Variants in JPT2 observed in about 807,000 individuals in gnomAD.
JPT2 encodes Jupiter microtubule associated homolog 2, also known as CRAMP_1 like.
JPT2 carries 9 observed loss-of-function variants against 15.9 expected under a neutral mutation model. The observed-to-expected ratio is 0.57, with a 90% confidence interval of 0.34 to 0.99. The LOEUF (loss-of-function observed/expected upper bound fraction) is 0.99, where lower values mean the gene tolerates loss of function less well. Ranked by LOEUF, JPT2 falls within the 50% of genes least tolerant of loss-of-function variation. JPT2 has a pLI of 0.02. For synonymous variants in JPT2, 95 were observed against 91.7 expected, an observed-to-expected ratio of 1.04 and a Z score of -0.21; for missense variants, 267 against 252.1, an observed-to-expected ratio of 1.06 and a Z score of -0.40.
At chr16:1,683,404 C>A in intron 1 of JPT2, 2 of 727,170 alleles carry the variant, frequency 2.8e-6, no homozygotes, top group South Asian at 1.7e-5. Flanking sequence ...AGGTACTGCT[C>A]CCGGACAGCC....
Position 1,685,495 on chromosome 16 carries a change from C to T in JPT2, c.101C>T (p.Ala34Val), listed in dbSNP as rs1230379534. The T allele has an allele frequency of 6.2e-7, 1 of 1,614,116 alleles. No homozygotes were observed. The highest frequency in any genetic ancestry group is 8.5e-7 in the Non-Finnish European group (1 of 1,180,000). ...SSNLFGSPEE[A>V]TPSSRPNRMA... ...AATCTTTTTGGAAGTCCAGAAGAAG[C>T]TACTCCTTCCAGCAGGCCTAATAGG... Residue 34 changes from alanine (A) to valine (V), a missense_variant, in exon 2 of 5, where the codon GCT (alanine) becomes GTT (valine). Physicochemically the swap from Ala to Val is moderately conservative, Grantham distance 64 (BLOSUM62 0). Coordinates refer to ENST00000248098, the MANE Select transcript of JPT2 (RefSeq NM_144570.3).
intron 1 of JPT2, chr16:1,683,665 A>G: frequency 9.5e-7 from 1 of 1,056,646 alleles, no homozygotes; most frequent in Non-Finnish European, 1.4e-6. Context: ...AGACTGAAGC[A>G]CTCTCTGCCT....
chr16:1,691,612 G>T (rs1286701856), intron 2 of JPT2, among the ~76,000 whole-genome samples: 1 of 152,166 alleles, frequency 6.6e-6, no homozygotes, highest in South Asian at 2.1e-4. Context: ...GCCTAGATCA[G>T]CTCAGTTCTA....
chr16:1,679,079 C>T (rs566407445), intron 1 of JPT2, among the ~76,000 whole-genome samples: 18 of 152,312 alleles, frequency 1.2e-4, no homozygotes, highest in African/African-American at 4.3e-4. Flanking sequence ...GCACACTTTT[C>T]TTATGTTTTT....
rs1474008669 is a variant in JPT2 at position 1,687,577 on chromosome 16, G to C, written c.193+1990G>C. Among the ~76,000 whole-genome samples the C allele has an allele frequency of 2.6e-5, 4 of 152,120 alleles. 1 individual carries two copies. The highest frequency in any genetic ancestry group is 6.6e-5 in the Admixed American group (1 of 15,266). On this transcript the variant is annotated intron_variant, in intron 2 of 4. Coordinates refer to ENST00000248098, the MANE Select transcript of JPT2 (RefSeq NM_144570.3). The stretch of plus-strand genomic sequence containing the variant: ...TAGAGCACTCCATGGAAGGCAGGCG[G>C]TACCACTTTGCCCGTTCCACATGGT...
intron 3 of JPT2, among the ~76,000 whole-genome samples, chr16:1,697,584 G>C (rs62040020): frequency 0.078 from 11,879 of 152,116 alleles, 620 homozygotes; most frequent in South Asian, 0.13. Flanking sequence ...GGGTGCTACT[G>C]TTATTTTTTA....
rs141755324 is a variant in JPT2 at position 1,681,468 on chromosome 16, C to A, written c.44+3112C>A. Reference sequence around the variant, plus strand: ...AATATTAAATATTGTGTTTCCATCACCCCAAAGTAACACTGGTCATTGCAA... The same window carrying A: ...AATATTAAATATTGTGTTTCCATCAACCCAAAGTAACACTGGTCATTGCAA... On this transcript the variant is annotated intron_variant, in intron 1 of 4. Transcript: ENST00000248098. Among the ~76,000 whole-genome samples the A allele has an allele frequency of 6.6e-3, 999 of 152,272 alleles. 5 individuals are homozygous for A. Among genetic ancestry groups the A allele is most frequent in the Non-Finnish European group, 0.011 (725 of 68,018 alleles).
At chr16:1,683,166 C>T (rs1325119717) in intron 1 of JPT2, among the ~76,000 whole-genome samples, 22 of 152,234 alleles carry the variant, frequency 1.4e-4, no homozygotes, top group Admixed American at 6.5e-4. Flanking sequence ...TTAGTAGAGA[C>T]GGGATTTCAC....
intron 2 of JPT2, among the ~76,000 whole-genome samples, chr16:1,686,908 C>T (rs1266203100): frequency 2.0e-5 from 3 of 152,188 alleles, no homozygotes; most frequent in African/African-American, 2.4e-5. Flanking sequence ...GACCTCACTC[C>T]GTTTTGGGGT....
intron 2 of JPT2, among the ~76,000 whole-genome samples, chr16:1,687,576 G>A (rs751665036): frequency 4.6e-5 from 7 of 152,112 alleles, no homozygotes; most frequent in African/African-American, 7.2e-5. Context: ...GAAGGCAGGC[G>A]GTACCACTTT....
At chr16:1,697,372 GT>G (rs1394608225) in intron 3 of JPT2, among the ~76,000 whole-genome samples, 1 of 152,172 alleles carries the variant, frequency 6.6e-6, no homozygotes, top group Non-Finnish European at 1.5e-5. Context: ...AATTAGCCAG[GT>G]GTGGTGGCTC....
chr16:1,697,563 C>T (rs562862989), intron 3 of JPT2, among the ~76,000 whole-genome samples: 6 of 150,716 alleles, frequency 4.0e-5, no homozygotes, highest in South Asian at 2.1e-4. Context: ...CATTAATATT[C>T]GCAGTTTTGA....
At chr16:1,683,480 T>C (rs1220621300) in intron 1 of JPT2, 1 of 1,463,692 alleles carries the variant, frequency 6.8e-7, no homozygotes, top group Non-Finnish European at 9.2e-7. Flanking sequence ...GCACCTGTCT[T>C]TTTTTTTCTC....
chr16:1,696,873 G>C (rs564963617), intron 3 of JPT2, among the ~76,000 whole-genome samples: 1 of 152,328 alleles, frequency 6.6e-6, no homozygotes, highest in African/African-American at 2.4e-5. Context: ...ATTGCTAGTG[G>C]GATTGGAAGA....
chr16:1,692,070 GTT>G, intron 3 of JPT2, 85 bp downstream of exon 3: 1 of 1,515,944 alleles, frequency 6.6e-7, no homozygotes, highest in Non-Finnish European at 9.0e-7. Flanking sequence ...GATGCGACAT[GTT>G]TTTAGGGAGA....
chr16:1,680,259 TTTTG>T (rs780484064), intron 1 of JPT2: 237 of 911,004 alleles, frequency 2.6e-4, no homozygotes, highest in Non-Finnish European at 3.1e-4. Flanking sequence ...TACGTTTCCT[TTTTG>T]TTTGTGCTGC....
At position 1,698,856 on chromosome 16, in the gene JPT2, G is replaced by A; in HGVS notation, c.431G>A (p.Ser144Asn). Residue 144 changes from serine (S) to asparagine (N), a missense_variant, in exon 5 of 5, where the codon AGC becomes AAC. Physicochemically the swap from Ser to Asn is conservative, Grantham distance 46. Transcript: ENST00000248098. The surrounding 1 kb of genome is among the most constrained non-coding windows in gnomAD (Gnocchi z 4.9). The part of the protein sequence containing the change: ...PAGAEPGEKG[S>N]ARKAGPAKEQ... ...GGAGCAGAGCCAGGTGAGAAAGGCA[G>A]CGCCAGAAAAGCAGGCCCCGCCAAG... 1 of 1,614,148 alleles carries A rather than the reference G, an allele frequency of 6.2e-7. No individual in the cohort carries two copies. Among genetic ancestry groups the A allele is most frequent in the Non-Finnish European group, 8.5e-7 (1 of 1,180,018 alleles).
chr16:1,696,086 G>A (rs149439332), intron 3 of JPT2, among the ~76,000 whole-genome samples: 1,653 of 151,990 alleles, frequency 0.011, 36 homozygotes, highest in African/African-American at 0.038. Flanking sequence ...AAAACTAGCC[G>A]GGCATGATGG....
chr16:1,685,528 C>G lies in JPT2; in HGVS notation c.134C>G (p.Ser45Cys). 2 of 1,614,136 alleles carry G rather than the reference C, an allele frequency of 1.2e-6. No homozygotes were observed. Among genetic ancestry groups the G allele is most frequent in the Non-Finnish European group, 1.7e-6 (2 of 1,180,024 alleles). ...TPSSRPNRMA[S>C]NIFGPTEEPQ... ...TCCAGCAGGCCTAATAGGATGGCAT[C>G]TAATATTTTTGGACCAACAGAAGAA... The change falls in exon 2 of 5, where the codon TCT (serine) becomes TGT (cysteine). Residue 45 changes from serine (S) to cysteine (C), a missense_variant. Physicochemically the swap from Ser to Cys is moderately radical, Grantham distance 112 (BLOSUM62 -1). Coordinates refer to ENST00000248098, the MANE Select transcript of JPT2 (RefSeq NM_144570.3).
Sources: gnomAD v4.1 joint callset for allele counts (sites outside exome capture counted in the v4.1 genomes callset) on GRCh38, gnomAD v4.1.1 for gene constraint, Gnocchi (gnomAD v3.1) non-coding constraint, MANE v1.5 for transcripts, NCBI Gene and HGNC (gene_info 2026-07-23, HGNC 2026-07-21) for gene names.